Variants in TASOR2 observed in about 807,000 individuals in gnomAD.
The protein encoded by TASOR2 is transcription activation suppressor family member 2, also known as protein TASOR 2.
Under a neutral mutation model 199.5 loss-of-function variants are expected in TASOR2, and 84 were observed. That is an observed-to-expected ratio of 0.42 (90% CI 0.35 to 0.50). The LOEUF is 0.50. Among genes scored for constraint, TASOR2 ranks in the 20% least tolerant of loss-of-function variants. The pLI is 0.02. For missense variants in TASOR2, 2,796 were observed against 2,835.9 expected, an observed-to-expected ratio of 0.99 and a Z score of 0.32; for synonymous variants, 1,103 against 1,046.6, an observed-to-expected ratio of 1.05 and a Z score of -1.04.
At chr10:5,739,501 A>G (rs1439516783) in intron 12 of TASOR2, 117 bp from the exon 14 acceptor site, 1 of 939,726 alleles carries the variant, frequency 1.1e-6, no homozygotes, top group African/African-American at 1.7e-5. Flanking sequence ...TTTAATATGC[A>G]ATATATGTTA....
Position 5,754,686 on chromosome 10 carries a change from C to G in TASOR2, c.6607-1927C>G, listed in dbSNP as rs1262462128. On this transcript the variant is annotated intron_variant, in intron 15 of 20. Coordinates refer to ENST00000328090, the Ensembl canonical transcript of TASOR2. The surrounding 1 kb of genome is among the most constrained non-coding windows in gnomAD (Gnocchi z 4.3). ...TGTATTGTTTCATAATATTTTATCA[C>G]GTGGTGTCACTGTTTACAACAGAAA... Among the ~76,000 whole-genome samples, 1 of 151,998 alleles carries G rather than the reference C, an allele frequency of 6.6e-6. No individual in the cohort carries two copies. The highest frequency in any genetic ancestry group is 1.5e-5 in the Non-Finnish European group (1 of 68,008).
intron 1 of TASOR2, among the ~76,000 whole-genome samples, chr10:5,693,300 C>A (rs1400866216): frequency 1.3e-5 from 2 of 152,148 alleles, no homozygotes; most frequent in Non-Finnish European, 2.9e-5. Flanking sequence ...CTAAGGTCAT[C>A]TTTTGAAATG....
intron 1 of TASOR2, among the ~76,000 whole-genome samples, chr10:5,705,545 C>G (rs1028865500): frequency 6.6e-6 from 1 of 152,048 alleles, no homozygotes; most frequent in Non-Finnish European, 1.5e-5. Context: ...TTATAAGAAA[C>G]TGATGTTATT....
chr10:5,747,898 C>A (rs1227744838), exon 15 of TASOR2: 21 of 1,613,786 alleles, frequency 1.3e-5, no homozygotes, highest in Non-Finnish European at 1.7e-5. Flanking sequence ...AACAGGTAGA[C>A]CAACCCTTCC....
rs1455225711 is a variant in TASOR2, at chr10:5,742,412, ACTT to A, written c.2644_2646del (p.Leu882del). On this transcript the variant is annotated inframe_deletion, in exon 14 of 21. Transcript: ENST00000328090. This position sits in a 1 kb window ranked among gnomAD's most constrained non-coding sequence, Gnocchi z 4.2. Reference sequence around the variant, plus strand: ...GCTTGCTTCCTTTCATTAAAACACCACTTACCCAAGGCTTGGAACTCTGTGTAC... The same window carrying A: ...GCTTGCTTCCTTTCATTAAAACACCAACCCAAGGCTTGGAACTCTGTGTAC... The A allele has an allele frequency of 6.2e-7, 1 of 1,614,100 alleles. No individual in the cohort carries two copies. Among genetic ancestry groups the A allele is most frequent in the Non-Finnish European group, 8.5e-7 (1 of 1,180,016 alleles).
At chr10:5,703,725 G>T (rs955509104) in intron 1 of TASOR2, among the ~76,000 whole-genome samples, 1 of 151,158 alleles carries the variant, frequency 6.6e-6, no homozygotes, top group African/African-American at 2.4e-5. Flanking sequence ...CGATGGTCTC[G>T]ATCTCCTGAC....
chr10:5,703,197 T>G (rs190538859), intron 1 of TASOR2, among the ~76,000 whole-genome samples: 237 of 152,300 alleles, frequency 1.6e-3, no homozygotes, highest in Non-Finnish European at 1.4e-3. Flanking sequence ...TAGAAGATCA[T>G]ATTAGGGATC....
rs1225871116 is a variant in TASOR2, at chr10:5,699,202, A to G, written c.-287-13621A>G. Among the ~76,000 whole-genome samples, 2 of 152,162 alleles carry G rather than the reference A, an allele frequency of 1.3e-5. No individual in the cohort carries two copies. The highest frequency in any genetic ancestry group is 2.4e-5 in the African/African-American group (1 of 41,446). ...CATGGATGAACTTCAAAAACAGGCT[A>G]AGTGAAAGAAGCCAATCATGAAGGA... On this transcript the variant is annotated intron_variant, in intron 1 of 20. Coordinates refer to ENST00000328090, the Ensembl canonical transcript of TASOR2. The surrounding 1 kb of genome is among the most constrained non-coding windows in gnomAD (Gnocchi z 4.1).
rs910228300 is a variant in TASOR2 at position 5,737,935 on chromosome 10, G to A, written c.1448-1683G>A. 5.3e-5 allele frequency among the ~76,000 whole-genome samples: 8 copies of A among 152,198 alleles called. No homozygotes were observed. Among genetic ancestry groups the A allele is most frequent in the Non-Finnish European group, 1.2e-4 (8 of 68,042 alleles). On this transcript the variant is annotated intron_variant, in intron 12 of 20. Coordinates refer to ENST00000328090, the Ensembl canonical transcript of TASOR2. The surrounding 1 kb of genome is among the most constrained non-coding windows in gnomAD (Gnocchi z 4.9). ...TGCAAATGTCTGTAGGTATTGTGCA[G>A]CCACATTCCAAGTTAACATTTTTGA...
intron 1 of TASOR2, among the ~76,000 whole-genome samples, chr10:5,696,081 C>A (rs59827083): frequency 2.1e-4 from 32 of 152,168 alleles, no homozygotes; most frequent in African/African-American, 7.7e-4. Flanking sequence ...GGGTGAAGCA[C>A]CTAAATGAAA....
intron 12 of TASOR2, among the ~76,000 whole-genome samples, chr10:5,739,387 T>C (rs942926753): frequency 3.3e-5 from 5 of 152,236 alleles, no homozygotes; most frequent in Non-Finnish European, 5.9e-5. Context: ...CATTATAATC[T>C]GAGGGTTGAA....
chr10:5,730,215 C>G lies in TASOR2; in HGVS notation c.488-272C>G, dbSNP rs1009358560. Among the ~76,000 whole-genome samples, 1 of 152,140 alleles carries G rather than the reference C, an allele frequency of 6.6e-6. No individual in the cohort carries two copies. Among genetic ancestry groups the G allele is most frequent in the African/African-American group, 2.4e-5 (1 of 41,422 alleles). The stretch of plus-strand genomic sequence containing the variant: ...TTGTTAGGTGAGATGGAGCTGGAGG[C>G]AGGGTTTAGTTTACTTGTTCTAACC... On this transcript the variant is annotated intron_variant, in intron 10 of 20. Transcript: ENST00000328090. This position sits in a 1 kb window ranked among gnomAD's most constrained non-coding sequence, Gnocchi z 4.1.
At chr10:5,718,406 AAAC>A (rs1215693831) in intron 3 of TASOR2, among the ~76,000 whole-genome samples, 5 of 151,148 alleles carry the variant, frequency 3.3e-5, no homozygotes, top group African/African-American at 1.2e-4. Context: ...AAAAAAAAAA[AAAC>A]AAGAGCCTGT....
At chr10:5,761,040 C>T (rs1022842165) in intron 18 of TASOR2, 1 of 359,132 alleles carries the variant, frequency 2.8e-6, no homozygotes, top group African/African-American at 2.1e-5. Context: ...CTTGCCAAGC[C>T]ACATGGCTTG....
At chr10:5,717,201 C>T (rs912558961) in intron 2 of TASOR2, among the ~76,000 whole-genome samples, 3 of 152,114 alleles carry the variant, frequency 2.0e-5, no homozygotes, top group African/African-American at 7.2e-5. Context: ...ATTAACACTA[C>T]TACTTGTATG....
intron 13 of TASOR2, among the ~76,000 whole-genome samples, chr10:5,741,084 A>G (rs765456932): frequency 6.6e-6 from 1 of 152,210 alleles, no homozygotes; most frequent in Non-Finnish European, 1.5e-5. Flanking sequence ...GCTTCTGGAC[A>G]GTGCTTCTTA....
chr10:5,711,926 AG>A (rs1450443221), intron 1 of TASOR2, among the ~76,000 whole-genome samples: 4 of 152,136 alleles, frequency 2.6e-5, no homozygotes, highest in African/African-American at 7.2e-5. Context: ...GTCCCTTAAA[AG>A]GGACCTAGCT....
At chr10:5,691,487 A>G (rs191386029) in intron 1 of TASOR2, among the ~76,000 whole-genome samples, 99 of 152,322 alleles carry the variant, frequency 6.5e-4, no homozygotes, top group African/African-American at 2.4e-3. Context: ...GTTTTTAAAA[A>G]AGGTAATTTG....
chr10:5,744,671 C>T (rs4423100), intron 14 of TASOR2, among the ~76,000 whole-genome samples: 128,998 of 152,102 alleles, frequency 0.85, 54,778 homozygotes, highest in African/African-American at 0.88. Flanking sequence ...ACTGCTCCAG[C>T]CAGAAATGAG....
Sources: allele counts gnomAD v4.1 joint callset (sites outside exome capture counted in the v4.1 genomes callset), GRCh38; gene constraint gnomAD v4.1.1; non-coding constraint Gnocchi (gnomAD v3.1); transcripts MANE v1.5; gene names NCBI Gene and HGNC (gene_info 2026-07-23, HGNC 2026-07-21).